RFT1: variants seen among roughly 807,000 people sequenced by gnomAD.
The protein encoded by RFT1 is man(5)GlcNAc(2)-PP-dolichol translocation protein RFT1.
RFT1 carries 43 observed loss-of-function variants against 62.2 expected under a neutral mutation model. That is an observed-to-expected ratio of 0.69 (90% CI 0.54 to 0.89). The LOEUF (loss-of-function observed/expected upper bound fraction) is 0.89. RFT1 is among the 40% of genes least tolerant of loss of function. The pLI, the probability that RFT1 is intolerant of heterozygous loss-of-function variation, is 0.00. For missense variants in RFT1, 605 were observed against 649.9 expected, an observed-to-expected ratio of 0.93 and a Z score of 0.75; for synonymous variants, 262 against 264.6, an observed-to-expected ratio of 0.99 and a Z score of 0.10.
intron 9 of RFT1, among the ~76,000 whole-genome samples, chr3:53,104,936 G>A (rs990282153): frequency 9.8e-5 from 15 of 152,350 alleles, no homozygotes; most frequent in Admixed American, 9.1e-4. Flanking sequence ...TGTGGTGAGC[G>A]AAAGCCAACA....
intron 10 of RFT1, 170 bp downstream of exon 10, chr3:53,103,783 A>AGT: frequency 1.2e-6 from 1 of 806,164 alleles, no homozygotes; most frequent in Non-Finnish European, 2.1e-6. Context: ...CTATACCTTG[A>AGT]GTGTGTGTCT....
chr3:53,067,358 T>A, the RFT1 span, among the ~76,000 whole-genome samples: 6 of 151,948 alleles, frequency 3.9e-5, no homozygotes, highest in African/African-American at 1.2e-4. Context: ...TCAAAAAATA[T>A]ACAAAAATAA....
At chr3:53,070,476 A>G in the RFT1 span, among the ~76,000 whole-genome samples, 420 of 128,364 alleles carry the variant, frequency 3.3e-3, no homozygotes, top group Middle Eastern at 7.1e-3. Context: ...ATCTCAGCTT[A>G]TCGCAACCTC....
the RFT1 span, among the ~76,000 whole-genome samples, chr3:53,079,616 C>G: frequency 1.4e-3 from 206 of 152,194 alleles, 1 homozygote; most frequent in African/African-American, 4.7e-3. Flanking sequence ...CGCCTGTAAT[C>G]CCAGCTACTT....
At chr3:53,081,519 C>T in the RFT1 span, among the ~76,000 whole-genome samples, 1 of 152,180 alleles carries the variant, frequency 6.6e-6, no homozygotes, top group African/African-American at 2.4e-5. Context: ...CTGAATTTGC[C>T]TCCCATTTCT....
the RFT1 span, among the ~76,000 whole-genome samples, chr3:53,082,111 T>A: frequency 6.6e-6 from 1 of 151,508 alleles, no homozygotes; most frequent in Non-Finnish European, 1.5e-5. Flanking sequence ...GCCCAGCTAA[T>A]TTTTTATTAT....
chr3:53,071,551 G>T, the RFT1 span, among the ~76,000 whole-genome samples: 1 of 152,158 alleles, frequency 6.6e-6, no homozygotes, highest in Non-Finnish European at 1.5e-5. Context: ...CCAGCCATGG[G>T]GCTACCTCCC....
chr3:53,115,243 A>C (rs576695251), intron 6 of RFT1, among the ~76,000 whole-genome samples: 1 of 152,228 alleles, frequency 6.6e-6, no homozygotes, highest in Non-Finnish European at 1.5e-5. Context: ...TATTAGTGTA[A>C]ATGTCGCCGT....
intron 10 of RFT1, among the ~76,000 whole-genome samples, chr3:53,101,210 A>C (rs1458790658): frequency 6.6e-6 from 1 of 152,154 alleles, no homozygotes; most frequent in Admixed American, 6.5e-5. Flanking sequence ...TTATCACCTC[A>C]CATTGCATTT....
intron 11 of RFT1, among the ~76,000 whole-genome samples, chr3:53,098,005 T>A (rs1449311379): frequency 2.0e-5 from 3 of 152,220 alleles, no homozygotes; most frequent in Non-Finnish European, 4.4e-5. Context: ...GGCATGGCAT[T>A]TTTGAAAAAC....
chr3:53,125,920 T>C lies in RFT1; in HGVS notation c.138A>G (p.Val46=), dbSNP rs1702095360. ...LRFLSKEIVG[V]VNVRLTLLYS... ...GCATCTCCTCCTACCTTACATTTAC[T>C]ACGCCAACGATTTCCTTTGACAGGA... The change falls in exon 2 of 13, where the codon GTA becomes GTG. Residue 46 remains valine (V), a synonymous_variant. Transcript: ENST00000296292. The C allele has an allele frequency of 8.1e-6, 13 of 1,613,616 alleles. 1 individual carries two copies. The South Asian group carries it at 1.3e-4, about 16-fold the overall frequency.
intron 11 of RFT1, among the ~76,000 whole-genome samples, chr3:53,096,670 G>A (rs1273651027): frequency 7.2e-5 from 11 of 151,966 alleles, no homozygotes; most frequent in Non-Finnish European, 1.0e-4. Context: ...GCCACAGAGC[G>A]AGACTCTTGT....
intron 10 of RFT1, among the ~76,000 whole-genome samples, chr3:53,101,233 C>A (rs975405043): frequency 6.6e-6 from 1 of 152,182 alleles, no homozygotes; most frequent in Non-Finnish European, 1.5e-5. Context: ...CTTGTCAAGC[C>A]GCTGCAGGAA....
chr3:53,080,003 C>T, the RFT1 span, among the ~76,000 whole-genome samples: 1 of 149,128 alleles, frequency 6.7e-6, no homozygotes, highest in African/African-American at 2.6e-5. Context: ...ACCAGGAGAG[C>T]TCATGCCTGT....
At chr3:53,109,740 C>T (rs78802586) in intron 7 of RFT1, among the ~76,000 whole-genome samples, 1 of 151,858 alleles carries the variant, frequency 6.6e-6, no homozygotes, top group South Asian at 2.1e-4. Context: ...CACTTGAGCC[C>T]GAGAGGTCAA....
chr3:53,074,076 GTC>G, the RFT1 span, among the ~76,000 whole-genome samples: 1 of 152,194 alleles, frequency 6.6e-6, no homozygotes, highest in East Asian at 1.9e-4. Flanking sequence ...GGGCCCTGGG[GTC>G]TCTGTCTCTC....
chr3:53,075,842 G>C, the RFT1 span, among the ~76,000 whole-genome samples: 1 of 152,236 alleles, frequency 6.6e-6, no homozygotes, highest in South Asian at 2.1e-4. Flanking sequence ...CAGGGAAGTA[G>C]TAAAAGTGGC....
the RFT1 span, among the ~76,000 whole-genome samples, chr3:53,080,052 C>T: frequency 6.6e-6 from 1 of 152,234 alleles, no homozygotes; most frequent in African/African-American, 2.4e-5. Context: ...CATGCCTTTC[C>T]ACTTTCTTCA....
At chr3:53,095,587 C>T (rs1187088871) in intron 11 of RFT1, among the ~76,000 whole-genome samples, 1 of 152,104 alleles carries the variant, frequency 6.6e-6, no homozygotes, top group African/African-American at 2.4e-5. Context: ...CATGGTAGTA[C>T]ACACCTATAG....
Sources: gnomAD v4.1 joint callset for allele counts (sites outside exome capture counted in the v4.1 genomes callset) on GRCh38, gnomAD v4.1.1 for gene constraint, MANE v1.5 for transcripts, NCBI Gene and HGNC (gene_info 2026-07-23, HGNC 2026-07-21) for gene names.